Variants in TIPIN observed in about 807,000 individuals in gnomAD.
The protein encoded by TIPIN is TIMELESS-interacting protein.
A neutral mutation model predicts 35.6 loss-of-function variants in TIPIN; 29 were observed. That is an observed-to-expected ratio of 0.82 (90% CI 0.61 to 1.11). TIPIN has a LOEUF of 1.11. Among genes scored for constraint, TIPIN ranks in the 50% most tolerant of loss-of-function variants. The pLI is 0.00. For missense variants in TIPIN, 296 were observed against 345.4 expected (o/e 0.86, Z 1.13); for synonymous variants, 102 against 121.5 (o/e 0.84, Z 1.06).
upstream of TIPIN, among the ~76,000 whole-genome samples, chr15:66,357,330 A>G (rs2093210388): frequency 6.6e-6 from 1 of 152,220 alleles, no homozygotes; most frequent in South Asian, 2.1e-4. Flanking sequence ...GCTTCTTCAG[A>G]GTTCATAGCA....
At chr15:66,339,998 C>T (rs11634986) in intron 7 of TIPIN, among the ~76,000 whole-genome samples, 149,110 of 151,084 alleles carry the variant, frequency 0.99, 73,606 homozygotes, top group East Asian at 1. Flanking sequence ...GCCTCCCAAG[C>T]AGCTGGGTTT....
At chr15:66,343,940 G>A (rs926624075) in intron 6 of TIPIN, among the ~76,000 whole-genome samples, 2 of 151,986 alleles carry the variant, frequency 1.3e-5, no homozygotes, top group Non-Finnish European at 1.5e-5. Context: ...AGAGGTTGCA[G>A]TGAGCCGAGA....
intron 6 of TIPIN, among the ~76,000 whole-genome samples, chr15:66,342,001 T>C: frequency 6.6e-6 from 1 of 152,044 alleles, no homozygotes; most frequent in Non-Finnish European, 1.5e-5. Context: ...CTGGCCAACA[T>C]GGTGAAACCC....
chr15:66,354,198 C>G (rs879402236), intron 1 of TIPIN, among the ~76,000 whole-genome samples: 4 of 152,164 alleles, frequency 2.6e-5, no homozygotes, highest in Non-Finnish European at 2.9e-5. Context: ...CTACCCTAGG[C>G]CTTGACTCTG....
intron 1 of TIPIN, among the ~76,000 whole-genome samples, chr15:66,363,101 G>A (rs2093238296): frequency 6.6e-6 from 1 of 152,158 alleles, no homozygotes; most frequent in Non-Finnish European, 1.5e-5. Flanking sequence ...ATAGAGACTG[G>A]GTGCGGTGGT....
At chr15:66,349,023 C>T (rs1269750689) in intron 6 of TIPIN, 37 bp downstream of exon 6, 2 of 1,562,894 alleles carry the variant, frequency 1.3e-6, no homozygotes, top group African/African-American at 1.4e-5. Context: ...TTTCTAAAAG[C>T]AAAATTGTTA....
intron 6 of TIPIN, among the ~76,000 whole-genome samples, chr15:66,347,733 A>G (rs2140454763): frequency 6.6e-6 from 1 of 152,012 alleles, no homozygotes; most frequent in African/African-American, 2.4e-5. Flanking sequence ...ACAGGCGTGC[A>G]CCACCCCACT....
chr15:66,379,990 C>A, intron 1 of TIPIN: 17 of 342,048 alleles, frequency 5.0e-5, no homozygotes, highest in Non-Finnish European at 8.3e-5. Flanking sequence ...CATTTCTTTT[C>A]TTTCTTTCTT....
At chr15:66,372,899 T>C (rs956124732) in intron 1 of TIPIN, among the ~76,000 whole-genome samples, 1 of 151,620 alleles carries the variant, frequency 6.6e-6, no homozygotes, top group African/African-American at 2.4e-5. Flanking sequence ...CAAGACCCCG[T>C]CTTGGGGAAA....
At chr15:66,373,232 G>A (rs1259067735) in intron 1 of TIPIN, among the ~76,000 whole-genome samples, 4 of 152,244 alleles carry the variant, frequency 2.6e-5, no homozygotes, top group East Asian at 1.9e-4. Flanking sequence ...AGTGGCTCAC[G>A]CCTGTAATCC....
intron 1 of TIPIN, chr15:66,386,437 T>G (rs2093338976): frequency 1.3e-5 from 2 of 152,284 alleles, no homozygotes; most frequent in Non-Finnish European, 2.9e-5. Flanking sequence ...CAAACAAAAT[T>G]TATATGCGTC....
intron 1 of TIPIN, among the ~76,000 whole-genome samples, chr15:66,356,127 G>T (rs1371478718): frequency 1.3e-5 from 2 of 152,030 alleles, no homozygotes; most frequent in African/African-American, 4.8e-5. Flanking sequence ...CCCAGACCCT[G>T]GTTTCCAATG....
rs149825723 is a variant in TIPIN at position 66,376,157 on chromosome 15, T to C, written c.-9+10450A>G. ...TTTTGTTTTTCTAACAAATAGTTAC[T>C]ACACAATGTTCTGCTCCATTTATTT... On this transcript the variant is annotated intron_variant, in intron 1 of 7. Coordinates refer to the TIPIN transcript ENST00000562124. Among the ~76,000 whole-genome samples the C allele has an allele frequency of 7.9e-3, 1,198 of 152,292 alleles. 9 individuals carry two copies. The highest frequency in any genetic ancestry group is 0.013 in the Non-Finnish European group (883 of 68,020).
intron 1 of TIPIN, among the ~76,000 whole-genome samples, chr15:66,377,004 A>G (rs1028714054): frequency 1.3e-5 from 2 of 149,346 alleles, no homozygotes; most frequent in African/African-American, 2.5e-5. Flanking sequence ...GTTACTCAGA[A>G]GGCTGAGGCA....
chr15:66,340,490 A>C (rs183879313), intron 7 of TIPIN, among the ~76,000 whole-genome samples: 2 of 151,670 alleles, frequency 1.3e-5, no homozygotes, highest in African/African-American at 2.4e-5. Context: ...TTTTTTCTTT[A>C]TTTATTGTTA....
chr15:66,351,384 G>A, intron 4 of TIPIN, 141 bp downstream of exon 4: 1 of 693,210 alleles, frequency 1.4e-6, no homozygotes, highest in Non-Finnish European at 2.5e-6. Context: ...TCCCTTTCTA[G>A]TACATCACAA....
intron 1 of TIPIN, among the ~76,000 whole-genome samples, chr15:66,353,944 C>A (rs1170239566): frequency 1.3e-5 from 2 of 152,020 alleles, no homozygotes; most frequent in Non-Finnish European, 2.9e-5. Flanking sequence ...CACAGTGAAA[C>A]CCCGTCTCTA....
At chr15:66,353,047 T>C in intron 1 of TIPIN, 92 bp from the exon 2 acceptor site, 1 of 1,271,712 alleles carries the variant, frequency 7.9e-7, no homozygotes, top group Non-Finnish European at 1.1e-6. Flanking sequence ...TGTGTTTCAA[T>C]CAGTTAGACC....
chr15:66,376,837 G>A (rs768882084), intron 1 of TIPIN, among the ~76,000 whole-genome samples: 77 of 151,718 alleles, frequency 5.1e-4, no homozygotes, highest in Admixed American at 1.8e-3. Context: ...AGCTGGGCAC[G>A]GTGGCTTACG....
Sources: allele counts gnomAD v4.1 joint callset (sites outside exome capture counted in the v4.1 genomes callset), GRCh38; gene constraint gnomAD v4.1.1; transcripts MANE v1.5; gene names NCBI Gene and HGNC (gene_info 2026-07-23, HGNC 2026-07-21).